SOST: variants seen among roughly 807,000 people sequenced by gnomAD.
SOST encodes the protein sclerosteosis.
SOST carries 14 observed loss-of-function variants against 16.7 expected under a neutral mutation model. The observed-to-expected ratio is 0.84, with a 90% CI of 0.55 to 1.31. SOST has a LOEUF of 1.31. SOST is among the 50% of genes most tolerant of loss of function. SOST has a pLI of 0.00. For missense variants in SOST, 291 were observed against 310.7 expected, an observed-to-expected ratio of 0.94 and a Z score of 0.48; for synonymous variants, 150 against 140.9, an observed-to-expected ratio of 1.06 and a Z score of -0.46.
chr17:43,755,511 T>A lies in SOST; in HGVS notation c.473A>T (p.Lys158Met), dbSNP rs1410472361. The A allele has an allele frequency of 6.3e-7, 1 of 1,596,460 alleles. No individual in the cohort carries two copies. The highest frequency in any genetic ancestry group is 1.1e-5 in the South Asian group (1 of 90,550). Residue 158 changes from lysine to methionine, a missense_variant, in exon 2 of 2, where the codon AAG becomes ATG. Coordinates refer to ENST00000301691, the MANE Select transcript of SOST (RefSeq NM_025237.3). The surrounding 1 kb of genome is among the most constrained non-coding windows in gnomAD (Gnocchi z 4.3). Reference protein sequence around the residue: ...CPGGEAPRARKVRLVASCKCK... With the variant: ...CPGGEAPRARMVRLVASCKCK... ...CTTGCACGAGGCCACCAGGCGCACC[T>A]TGCGCGCGCGCGGCGCCTCACCACC...
Position 43,755,764 on chromosome 17 carries a change from C to T in SOST, c.221-1G>A. 1 of 1,578,652 alleles carries T rather than the reference C, an allele frequency of 6.3e-7. No homozygotes were observed. Among genetic ancestry groups the T allele is most frequent in the Non-Finnish European group, 8.5e-7 (1 of 1,171,416 alleles). On this transcript the variant is annotated splice_acceptor_variant, in intron 1 of 1. Coordinates refer to ENST00000301691, the MANE Select transcript of SOST (RefSeq NM_025237.3). LOFTEE classifies it high-confidence loss of function. This position sits in a 1 kb window ranked among gnomAD's most constrained non-coding sequence, Gnocchi z 4.3. The stretch of plus-strand genomic sequence containing the variant: ...TCGCGGCAGCTGTACTCGGACACGT[C>T]TGTGGAGAGAGGCGCGCGTGAGGGT...
At chr17:43,756,635 C>G (rs1319010115) in intron 1 of SOST, among the ~76,000 whole-genome samples, 1 of 152,178 alleles carries the variant, frequency 6.6e-6, no homozygotes, top group Non-Finnish European at 1.5e-5. Context: ...CTGCTTTTTA[C>G]TGTCGTTACT....
chr17:43,755,794 G>A lies in SOST; in HGVS notation c.221-31C>T, dbSNP rs760140099. On this transcript the variant is annotated intron_variant, in intron 1 of 1. Transcript: ENST00000301691. This position sits in a 1 kb window ranked among gnomAD's most constrained non-coding sequence, Gnocchi z 4.3. Reference sequence around the variant, plus strand: ...GAGAGAGGCGCGCGTGAGGGTGGCCGCCCGCCTGGCCACCCCTGCCCTGGA... The same window carrying A: ...GAGAGAGGCGCGCGTGAGGGTGGCCACCCGCCTGGCCACCCCTGCCCTGGA... 35 of 1,550,050 alleles carry A rather than the reference G, an allele frequency of 2.3e-5. No homozygotes were observed. The South Asian group carries it at 2.8e-4, about 13-fold the overall frequency.
Position 43,758,138 on chromosome 17 carries a change from G to C in SOST, c.220+384C>G, listed in dbSNP as rs998701756. Among the ~76,000 whole-genome samples the C allele has an allele frequency of 2.6e-5, 4 of 152,278 alleles. No homozygotes were observed. In the East Asian group the frequency reaches 7.7e-4, roughly 29 times the overall value. On this transcript the variant is annotated intron_variant, in intron 1 of 1. Transcript: ENST00000301691. ...CACAGGTGCTGTTCTGTGGATGGGA[G>C]GCTCCCTTACCTTGTTCCCTTCCCA...
At chr17:43,756,660 G>T (rs549434148) in intron 1 of SOST, among the ~76,000 whole-genome samples, 21 of 152,248 alleles carry the variant, frequency 1.4e-4, no homozygotes, top group South Asian at 6.2e-4. Context: ...TACCATAGGG[G>T]CCCTGAGCTC....
chr17:43,758,434 T>G, intron 1 of SOST, 88 bp downstream of exon 1: 1 of 1,051,134 alleles, frequency 9.5e-7, no homozygotes, highest in East Asian at 2.6e-5. Flanking sequence ...CTTCACTGGG[T>G]CTACCCCAGT....
In SOST at chr17:43,755,454, G is replaced by T. The variant is rs777262002; in HGVS notation, c.530C>A (p.Ser177Ter). ...CTCGGTCCCGAAGTCCTTGAGCTCC[G>T]ACTGGTTGTGGAAGCGGGTGAGGCG... ...CKRLTRFHNQ[S>*]ELKDFGTEAA... Residue 177 changes from serine (S) to a stop codon, truncating the protein, a stop_gained, in exon 2 of 2, where the codon TCG (serine) becomes TAG (stop). Transcript: ENST00000301691. LOFTEE classifies it high-confidence loss of function. The surrounding 1 kb of genome is among the most constrained non-coding windows in gnomAD (Gnocchi z 4.3). 4 of 1,596,878 alleles carry T rather than the reference G, an allele frequency of 2.5e-6. No individual in the cohort carries two copies. Among genetic ancestry groups the T allele is most frequent in the Non-Finnish European group, 2.5e-6 (3 of 1,178,728 alleles).
chr17:43,756,491 A>T (rs1174226919), intron 1 of SOST, among the ~76,000 whole-genome samples: 1 of 152,142 alleles, frequency 6.6e-6, no homozygotes, highest in Non-Finnish European at 1.5e-5. Context: ...CAGAGAAAAG[A>T]ACTTGCCCAA....
chr17:43,755,573 G>A lies in SOST; in HGVS notation c.411C>T (p.Asp137=), dbSNP rs745471377. The A allele has an allele frequency of 4.4e-6, 7 of 1,594,490 alleles. No homozygotes were observed. In the African/African-American group the frequency reaches 8.2e-5, roughly 19 times the overall value. Residue 137 remains aspartate (D), a synonymous_variant, in exon 2 of 2, where the codon GAC becomes GAT. Coordinates refer to ENST00000301691, the MANE Select transcript of SOST (RefSeq NM_025237.3). This position sits in a 1 kb window ranked among gnomAD's most constrained non-coding sequence, Gnocchi z 4.3. The stretch of plus-strand genomic sequence containing the variant: ...GCTGCACGCGCTGCGCGCGGTAGCG[G>A]TCGGGGATGCAGCGGAAGTCGGGCC... ...PSGPDFRCIP[D]RYRAQRVQLL...
Position 43,755,667 on chromosome 17 carries a change from G to T in SOST, c.317C>A (p.Ser106Tyr), listed in dbSNP as rs1362211882. 1 of 1,570,130 alleles carries T rather than the reference G, an allele frequency of 6.4e-7. No homozygotes were observed. The highest frequency in any genetic ancestry group is 1.1e-5 in the South Asian group (1 of 86,984). The change falls in exon 2 of 2, where the codon TCC becomes TAC. Residue 106 changes from serine (S) to tyrosine (Y), a missense_variant. Ser to Tyr is a moderately radical substitution (Grantham distance 144). Transcript: ENST00000301691. This position sits in a 1 kb window ranked among gnomAD's most constrained non-coding sequence, Gnocchi z 4.3. ...CAGGCGCGCCGGGCCGCACTGGCCG[G>T]AGCACACCAGCTCGGTGACCGGCTT... is the stretch of plus-strand genomic sequence containing the variant. Reference protein sequence around the residue: ...SAKPVTELVCSGQCGPARLLP... With the variant: ...SAKPVTELVCYGQCGPARLLP...
intron 1 of SOST, among the ~76,000 whole-genome samples, chr17:43,757,977 T>C (rs144833747): frequency 1.8e-3 from 272 of 152,226 alleles, no homozygotes; most frequent in Non-Finnish European, 3.1e-3. Flanking sequence ...ACACCTCAGC[T>C]CTTCTCACTA....
At chr17:43,756,721 G>A (rs1169910810) in intron 1 of SOST, among the ~76,000 whole-genome samples, 1 of 152,138 alleles carries the variant, frequency 6.6e-6, no homozygotes, top group Non-Finnish European at 1.5e-5. Flanking sequence ...CTGGCTCTCT[G>A]CTGGGCACAT....
At chr17:43,758,415 G>T in intron 1 of SOST, 107 bp downstream of exon 1, 1 of 895,258 alleles carries the variant, frequency 1.1e-6, no homozygotes, top group Non-Finnish European at 1.8e-6. Context: ...GCTGGCAGAG[G>T]CCAGCAATCT....
In SOST at chr17:43,758,625, C is replaced by T; in HGVS notation, c.117G>A (p.Glu39=). 6.2e-7 allele frequency: 1 copy of T among 1,614,174 alleles called. No individual in the cohort carries two copies. The highest frequency in any genetic ancestry group is 1.3e-5 in the African/African-American group (1 of 75,040). The change falls in exon 1 of 2, where the codon GAG becomes GAA. Residue 39 remains glutamate, a synonymous_variant. Coordinates refer to ENST00000301691, the MANE Select transcript of SOST (RefSeq NM_025237.3). ...GTGGAGGCTCGGGGTACTCTCCGAG[C>T]TCGGGGATGATTTCCGTGGCATCAT... The part of the protein sequence containing the change: ...FKNDATEIIP[E]LGEYPEPPPE...
chr17:43,755,651 C>T lies in SOST; in HGVS notation c.333G>A (p.Pro111=). 3 of 1,568,936 alleles carry T rather than the reference C, an allele frequency of 1.9e-6. No homozygotes were observed. Among genetic ancestry groups the T allele is most frequent in the Non-Finnish European group, 2.6e-6 (3 of 1,164,826 alleles). ...CGATGGCGTTGGGCAGCAGGCGCGC[C>T]GGGCCGCACTGGCCGGAGCACACCA... ...TELVCSGQCG[P]ARLLPNAIGR... Residue 111 remains proline (P), a synonymous_variant, in exon 2 of 2, where the codon CCG becomes CCA. Transcript: ENST00000301691. This position sits in a 1 kb window ranked among gnomAD's most constrained non-coding sequence, Gnocchi z 4.3.
At position 43,755,136 on chromosome 17, in the gene SOST, C is replaced by G; in HGVS notation, c.*206G>C. ...CTGTGACTCTCAATTCCCTCCCCTG[C>G]CCCGTGGGACCCCTCAGCTGGCGGG... On this transcript the variant is annotated 3_prime_UTR_variant, in exon 2 of 2. Coordinates refer to ENST00000301691, the MANE Select transcript of SOST (RefSeq NM_025237.3). The surrounding 1 kb of genome is among the most constrained non-coding windows in gnomAD (Gnocchi z 4.3). 2 of 534,248 alleles carry G rather than the reference C, an allele frequency of 3.7e-6. No homozygotes were observed. 33.1% of individuals were successfully genotyped at this position (534,248 alleles called of 1,614,324 possible). A position where few individuals can be genotyped will look rare whatever the true frequency, so the allele number is the denominator to read the frequency against.
intron 1 of SOST, among the ~76,000 whole-genome samples, chr17:43,757,836 C>T (rs1974147219): frequency 6.6e-6 from 1 of 152,210 alleles, no homozygotes; most frequent in East Asian, 1.9e-4. Context: ...TGCCAGCTCC[C>T]TGGGCAGGCC....
In SOST at chr17:43,755,305, C is replaced by T. The variant is rs772889204; in HGVS notation, c.*37G>A. 8 of 1,499,206 alleles carry T rather than the reference C, an allele frequency of 5.3e-6. No homozygotes were observed. The highest frequency in any genetic ancestry group is 4.5e-5 in the Admixed American group (2 of 44,496). 92.9% of individuals were successfully genotyped at this position (1,499,206 alleles called of 1,614,324 possible). On this transcript the variant is annotated 3_prime_UTR_variant, in exon 2 of 2. Transcript: ENST00000301691. This position sits in a 1 kb window ranked among gnomAD's most constrained non-coding sequence, Gnocchi z 4.3. ...GAAATGTGGGGCGCGGGTTCAGGGC[C>T]GGGGCGCCCGCCGGTGGGGAGGGGC...
rs1355271678 is a variant in SOST, at chr17:43,755,992, C to T, written c.221-229G>A. 2.0e-5 allele frequency among the ~76,000 whole-genome samples: 3 copies of T among 152,222 alleles called. No individual in the cohort carries two copies. Among genetic ancestry groups the T allele is most frequent in the Non-Finnish European group, 2.9e-5 (2 of 68,042 alleles). ...GACTGCTGGGGTTCAAACACCAGGGCTCCATCGCTCACTGCAGGTGTCATC... is the reference window on the plus strand; with the variant it reads ...GACTGCTGGGGTTCAAACACCAGGGTTCCATCGCTCACTGCAGGTGTCATC... On this transcript the variant is annotated intron_variant, in intron 1 of 1. Transcript: ENST00000301691. This position sits in a 1 kb window ranked among gnomAD's most constrained non-coding sequence, Gnocchi z 4.3.
Sources: allele counts gnomAD v4.1 joint callset (sites outside exome capture counted in the v4.1 genomes callset), GRCh38; gene constraint gnomAD v4.1.1; non-coding constraint Gnocchi (gnomAD v3.1); transcripts MANE v1.5; gene names NCBI Gene and HGNC (gene_info 2026-07-23, HGNC 2026-07-21).